Variants in SGMS1 observed in about 807,000 individuals in gnomAD.
SGMS1 encodes the protein phosphatidylcholine:ceramide cholinephosphotransferase 1.
SGMS1 carries 13 observed loss-of-function variants against 46.2 expected under a neutral mutation model. The observed-to-expected ratio is 0.28, with a 90% CI of 0.18 to 0.45. The LOEUF (loss-of-function observed/expected upper bound fraction) is 0.45. SGMS1 is among the 20% of genes least tolerant of loss of function. The pLI, the probability that SGMS1 is intolerant of heterozygous loss-of-function variation, is 1.00. For synonymous variants in SGMS1, 203 were observed against 187.8 expected, an observed-to-expected ratio of 1.08 and a Z score of -0.66; for missense variants, 324 against 519.9, an observed-to-expected ratio of 0.62 and a Z score of 3.66.
At chr10:50,414,948 G>C (rs1849148786) in intron 6 of SGMS1, among the ~76,000 whole-genome samples, 1 of 152,134 alleles carries the variant, frequency 6.6e-6, no homozygotes, top group Admixed American at 6.5e-5. Flanking sequence ...TTTCCATCTT[G>C]AGTAAAGAAC....
intron 2 of SGMS1, among the ~76,000 whole-genome samples, chr10:50,561,200 G>A (rs1363525041): frequency 6.6e-6 from 1 of 152,180 alleles, no homozygotes; most frequent in Non-Finnish European, 1.5e-5. Context: ...TTTGTCACTT[G>A]CTAAATGGCA....
intron 1 of SGMS1, among the ~76,000 whole-genome samples, chr10:50,607,939 T>C (rs1472917416): frequency 6.6e-6 from 1 of 152,140 alleles, no homozygotes; most frequent in African/African-American, 2.4e-5. Flanking sequence ...AGTAAAGGCC[T>C]TGCTCCTCCC....
intron 6 of SGMS1, among the ~76,000 whole-genome samples, chr10:50,397,990 T>C (rs778644700): frequency 2.6e-5 from 4 of 152,170 alleles, no homozygotes; most frequent in Non-Finnish European, 5.9e-5. Context: ...GCCTTCTACT[T>C]ATAGATACAT....
In SGMS1 at chr10:50,319,522, A is replaced by G. The variant is rs139411728; in HGVS notation, c.741+7683T>C. Among the ~76,000 whole-genome samples, 515 of 152,342 alleles carry G rather than the reference A, an allele frequency of 3.4e-3. 2 individuals are homozygous for G. Among genetic ancestry groups the G allele is most frequent in the African/African-American group, 0.012 (488 of 41,582 alleles). ...TCCCCAGTCTAGGTTCCAATCAGAG[A>G]ATACACATTGAGGTTACTTATCATG... On this transcript the variant is annotated intron_variant, in intron 8 of 10. Transcript: ENST00000361781.
At chr10:50,522,001 T>C (rs926715373) in intron 2 of SGMS1, among the ~76,000 whole-genome samples, 14 of 152,286 alleles carry the variant, frequency 9.2e-5, no homozygotes, top group African/African-American at 3.1e-4. Context: ...AGATTTAGTA[T>C]CCATTAGTGA....
intron 4 of SGMS1, among the ~76,000 whole-genome samples, chr10:50,463,954 G>A (rs867519955): frequency 1.3e-5 from 2 of 152,290 alleles, no homozygotes; most frequent in South Asian, 4.2e-4. Flanking sequence ...CCACTTATAT[G>A]AGGTATTTAA....
chr10:50,518,792 A>G lies in SGMS1; in HGVS notation c.-498+1039T>C, dbSNP rs1184221712. Among the ~76,000 whole-genome samples the G allele has an allele frequency of 3.9e-5, 6 of 152,348 alleles. No individual in the cohort carries two copies. In the South Asian group the frequency reaches 1.0e-3, roughly 26 times the overall value. ...ATCTTTCAAAAAACAAAGAAGAAACAAGTTTCATTCACTATACAAGAAGAG... is the reference window on the plus strand; with the variant it reads ...ATCTTTCAAAAAACAAAGAAGAAACGAGTTTCATTCACTATACAAGAAGAG... On this transcript the variant is annotated intron_variant, in intron 3 of 10. Transcript: ENST00000361781.
chr10:50,472,427 T>C (rs191463101), intron 3 of SGMS1, among the ~76,000 whole-genome samples: 2 of 152,168 alleles, frequency 1.3e-5, no homozygotes, highest in African/African-American at 2.4e-5. Flanking sequence ...AATCTACATA[T>C]ATGTGAGATC....
At chr10:50,533,500 G>A (rs964550199) in intron 2 of SGMS1, among the ~76,000 whole-genome samples, 1 of 152,128 alleles carries the variant, frequency 6.6e-6, no homozygotes, top group Non-Finnish European at 1.5e-5. Flanking sequence ...CAAATGTTTG[G>A]TAATCAGATC....
chr10:50,309,378 A>C (rs1314168397), intron 9 of SGMS1, among the ~76,000 whole-genome samples: 1 of 152,228 alleles, frequency 6.6e-6, no homozygotes, highest in Non-Finnish European at 1.5e-5. Flanking sequence ...ATCTCATTCT[A>C]AACATGAGGA....
rs146699141 is a variant in SGMS1 at position 50,308,048 on chromosome 10, G to T, written c.996C>A (p.Asp332Glu). ...TGGTGATGTAATATGCCACCACCAC[G>T]TCCACAGTGTAGTGGTCATGCGCTA... The part of the protein sequence containing the change: ...ILLAHDHYTV[D>E]VVVAYYITTR... Residue 332 changes from aspartate (D) to glutamate (E), a missense_variant, in exon 10 of 11, where the codon GAC (aspartate) becomes GAA (glutamate). By Grantham distance (45) the Asp-to-Glu change is conservative. Coordinates refer to ENST00000361781, the MANE Select transcript of SGMS1 (RefSeq NM_147156.4). 1 of 1,613,856 alleles carries T rather than the reference G, an allele frequency of 6.2e-7. No homozygotes were observed. The highest frequency in any genetic ancestry group is 1.1e-5 in the South Asian group (1 of 91,058).
intron 2 of SGMS1, among the ~76,000 whole-genome samples, chr10:50,539,436 G>A (rs960768211): frequency 1.6e-4 from 24 of 152,198 alleles, no homozygotes; most frequent in African/African-American, 5.3e-4. Flanking sequence ...ATATGCTCAG[G>A]TGAGACTGAA....
intron 6 of SGMS1, among the ~76,000 whole-genome samples, chr10:50,404,964 C>A (rs1053943571): frequency 1.4e-4 from 21 of 151,936 alleles, no homozygotes; most frequent in Non-Finnish European, 2.8e-4. Context: ...AGCTAAGGAA[C>A]GGTATGTATA....
intron 6 of SGMS1, among the ~76,000 whole-genome samples, chr10:50,387,923 T>C (rs142849652): frequency 2.5e-4 from 38 of 152,294 alleles, no homozygotes; most frequent in East Asian, 1.4e-3. Context: ...GTTTGAACAA[T>C]TGGCCCCCTT....
At chr10:50,323,778 T>C (rs191459666) in intron 8 of SGMS1, among the ~76,000 whole-genome samples, 49 of 152,340 alleles carry the variant, frequency 3.2e-4, no homozygotes, top group Admixed American at 3.0e-3. Context: ...AAATCTATTA[T>C]CAAGTTGTAT....
At chr10:50,554,421 C>CAA (rs2133836712) in intron 2 of SGMS1, among the ~76,000 whole-genome samples, 1 of 152,264 alleles carries the variant, frequency 6.6e-6, no homozygotes, top group Non-Finnish European at 1.5e-5. Flanking sequence ...GAAGCACAAC[C>CAA]TATATATTTT....
At chr10:50,440,893 A>C (rs1015837511) in intron 5 of SGMS1, among the ~76,000 whole-genome samples, 1 of 152,222 alleles carries the variant, frequency 6.6e-6, no homozygotes, top group Non-Finnish European at 1.5e-5. Flanking sequence ...TACAGGCATG[A>C]GCCACCATGC....
chr10:50,574,059 C>T (rs963386344), intron 2 of SGMS1, among the ~76,000 whole-genome samples: 1 of 152,042 alleles, frequency 6.6e-6, no homozygotes, highest in African/African-American at 2.4e-5. Flanking sequence ...AGATCTGAAA[C>T]TATACAATTC....
intron 1 of SGMS1, among the ~76,000 whole-genome samples, chr10:50,596,963 A>G (rs145403146): frequency 1.3e-5 from 2 of 152,322 alleles, no homozygotes; most frequent in African/African-American, 4.8e-5. Flanking sequence ...GTATGTTTTG[A>G]ACATGGGGTC....
Sources: allele counts gnomAD v4.1 joint callset (sites outside exome capture counted in the v4.1 genomes callset), GRCh38; gene constraint gnomAD v4.1.1; transcripts MANE v1.5; gene names NCBI Gene and HGNC (gene_info 2026-07-23, HGNC 2026-07-21).